Variants in DLG1 observed in about 807,000 individuals in gnomAD.
The protein encoded by DLG1 is disks large homolog 1.
A neutral mutation model predicts 123.4 loss-of-function variants in DLG1; 42 were observed. The observed-to-expected ratio is 0.34, with a 90% CI of 0.27 to 0.44. DLG1 has a LOEUF of 0.44. Among genes scored for constraint, DLG1 ranks in the 20% least tolerant of loss-of-function variants. DLG1 has a pLI of 1.00. For synonymous variants in DLG1, 317 were observed against 356.2 expected, an observed-to-expected ratio of 0.89 and a Z score of 1.24; for missense variants, 942 against 1,082.6, an observed-to-expected ratio of 0.87 and a Z score of 1.82.
chr3:197,055,697 G>A (rs1252193492), intron 23 of DLG1, among the ~76,000 whole-genome samples: 2 of 152,170 alleles, frequency 1.3e-5, no homozygotes, highest in East Asian at 1.9e-4. Context: ...AAAGGTGTGT[G>A]TGTGTGTCTG....
chr3:197,145,176 AGGAAGTCCTTTGTTACG>A (rs1404464878), intron 6 of DLG1, among the ~76,000 whole-genome samples: 1 of 152,166 alleles, frequency 6.6e-6, no homozygotes, highest in Non-Finnish European at 1.5e-5. Flanking sequence ...CCTACTTGAC[AGGAAGTCCTTTGTTACG>A]AGTAAAATTT....
intron 4 of DLG1, among the ~76,000 whole-genome samples, chr3:197,208,468 A>T (rs1729728969): frequency 6.8e-6 from 1 of 147,022 alleles, no homozygotes; most frequent in Admixed American, 6.8e-5. Flanking sequence ...TATTTATTGT[A>T]GTATTGTTTG....
intron 5 of DLG1, among the ~76,000 whole-genome samples, chr3:197,181,141 T>C (rs570032616): frequency 6.6e-6 from 1 of 152,232 alleles, no homozygotes; most frequent in African/African-American, 2.4e-5. Context: ...ACAGGTTCTT[T>C]TTATGTATTG....
chr3:197,104,867 A>G (rs1186179832), intron 14 of DLG1, 36 bp downstream of exon 14: 1 of 1,389,910 alleles, frequency 7.2e-7, no homozygotes, highest in East Asian at 2.3e-5. Flanking sequence ...AAAAACTAAA[A>G]TAAGCAATAA....
intron 5 of DLG1, among the ~76,000 whole-genome samples, chr3:197,193,500 C>G (rs115594248): frequency 6.6e-6 from 1 of 152,138 alleles, no homozygotes; most frequent in Non-Finnish European, 1.5e-5. Context: ...GCACTTTTTA[C>G]ACTAGTAATA....
chr3:197,072,631 C>A (rs1744680166), intron 18 of DLG1, among the ~76,000 whole-genome samples: 1 of 149,440 alleles, frequency 6.7e-6, no homozygotes, highest in Non-Finnish European at 1.5e-5. Context: ...TTGTGACATA[C>A]ATGGTACAAA....
chr3:197,069,958 T>C (rs1356096862), intron 18 of DLG1: 2 of 152,212 alleles, frequency 1.3e-5, no homozygotes, highest in Non-Finnish European at 2.9e-5. Flanking sequence ...AAACTCTGCT[T>C]TGATAAGACT....
In DLG1 at chr3:197,148,857, T is replaced by A. The variant is rs148800444; in HGVS notation, c.537+886A>T. Among the ~76,000 whole-genome samples, 27 of 152,292 alleles carry A rather than the reference T, an allele frequency of 1.8e-4. No homozygotes were observed. In the East Asian group the frequency reaches 5.2e-3, roughly 29 times the overall value. ...CAATCATTATCACGAAATTGCGGCA[T>A]TTTCTAAAGTTTTATCCACTTAAAC... On this transcript the variant is annotated intron_variant, in intron 6 of 24. Coordinates refer to ENST00000667157, the MANE Select transcript of DLG1 (RefSeq NM_001366207.1).
At chr3:197,278,111 C>T (rs139063044) in intron 4 of DLG1, among the ~76,000 whole-genome samples, 5 of 151,318 alleles carry the variant, frequency 3.3e-5, no homozygotes, top group African/African-American at 1.2e-4. Context: ...ATGGTGAAAC[C>T]CCATCTCTAC....
chr3:197,267,986 T>C (rs147738082), intron 4 of DLG1, among the ~76,000 whole-genome samples: 1 of 152,326 alleles, frequency 6.6e-6, no homozygotes, highest in African/African-American at 2.4e-5. Flanking sequence ...GAAAAAAGGA[T>C]TAAGAGCATA....
intron 14 of DLG1, among the ~76,000 whole-genome samples, chr3:197,091,767 C>A (rs1388252877): frequency 6.6e-6 from 1 of 152,010 alleles, no homozygotes; most frequent in African/African-American, 2.4e-5. Flanking sequence ...AAACACATAT[C>A]TTTTTTCCCC....
At chr3:197,183,683 A>G (rs1021238448) in intron 5 of DLG1, 1 of 1,550,528 alleles carries the variant, frequency 6.4e-7, no homozygotes, top group Non-Finnish European at 8.7e-7. Context: ...CTTGCAGTTC[A>G]TCTGACGAGC....
chr3:197,043,556 GAAAC>G lies in DLG1; in HGVS notation c.*1063_*1066del, dbSNP rs2148619390. 1 of 151,706 alleles carries G rather than the reference GAAAC, an allele frequency of 6.6e-6. No homozygotes were observed. The highest frequency in any genetic ancestry group is 6.6e-5 in the Admixed American group (1 of 15,244). 9.4% of individuals were successfully genotyped at this position (151,706 alleles called of 1,614,324 possible). On this transcript the variant is annotated 3_prime_UTR_variant, in exon 25 of 25. Transcript: ENST00000667157. Reference sequence around the variant, plus strand: ...AAAAAGTTAGGAGTAGGTGGCAAAAGAAACAAAATATATTTTAAATATATATATA... The same window carrying G: ...AAAAAGTTAGGAGTAGGTGGCAAAAGAAAATATATTTTAAATATATATATA...
At chr3:197,183,693 C>G in intron 5 of DLG1, 1 of 1,550,538 alleles carries the variant, frequency 6.4e-7, no homozygotes, top group Non-Finnish European at 8.7e-7. Context: ...ATCTGACGAG[C>G]CCTTTTTTGC....
chr3:197,233,967 T>C (rs765168525), intron 4 of DLG1, among the ~76,000 whole-genome samples: 3 of 152,210 alleles, frequency 2.0e-5, no homozygotes, highest in Non-Finnish European at 2.9e-5. Flanking sequence ...GGTAAACACA[T>C]TTGCTTCTAG....
At chr3:197,108,008 T>A (rs1025912606) in intron 13 of DLG1, among the ~76,000 whole-genome samples, 1 of 152,164 alleles carries the variant, frequency 6.6e-6, no homozygotes, top group African/African-American at 2.4e-5. Context: ...GTCTATTTAG[T>A]GTTCTTATCA....
intron 4 of DLG1, among the ~76,000 whole-genome samples, chr3:197,260,772 A>AAAAAAAAAAAAAAAAC: frequency 6.7e-6 from 1 of 149,650 alleles, no homozygotes; most frequent in East Asian, 1.9e-4. Flanking sequence ...AAAAAAAAAA[A>AAAAAAAAAAAAAAAAC]AAAAAAAAAA....
intron 4 of DLG1, among the ~76,000 whole-genome samples, chr3:197,211,780 A>C (rs1484989092): frequency 6.8e-6 from 1 of 146,426 alleles, no homozygotes; most frequent in Non-Finnish European, 1.5e-5. Flanking sequence ...AATATAAATC[A>C]TTCTACCACA....
chr3:197,126,814 T>C (rs1779359767), intron 11 of DLG1, among the ~76,000 whole-genome samples: 1 of 152,184 alleles, frequency 6.6e-6, no homozygotes, highest in South Asian at 2.1e-4. Flanking sequence ...TGAAGATACA[T>C]TACTGGAGGG....
Sources: gnomAD v4.1 joint callset for allele counts (sites outside exome capture counted in the v4.1 genomes callset) on GRCh38, gnomAD v4.1.1 for gene constraint, MANE v1.5 for transcripts, NCBI Gene and HGNC (gene_info 2026-07-23, HGNC 2026-07-21) for gene names.